Variants in BCKDHB observed in about 807,000 individuals in gnomAD.
The protein encoded by BCKDHB is 2-oxoisovalerate dehydrogenase subunit beta, mitochondrial.
In BCKDHB, 41 loss-of-function variants were observed where a neutral mutation model predicts 48.5. The ratio of observed to expected loss-of-function variants is 0.85; its 90% CI spans 0.66 to 1.10. BCKDHB has a LOEUF of 1.10. Ranked by LOEUF, BCKDHB falls within the 50% of genes least tolerant of loss-of-function variation. The pLI is 0.00. For synonymous variants in BCKDHB, 201 were observed against 174.8 expected (o/e 1.15, Z -1.18); for missense variants, 496 against 494.2 (o/e 1.00, Z -0.03).
At chr6:80,215,282 G>C (rs1177011478) in intron 8 of BCKDHB, among the ~76,000 whole-genome samples, 1 of 152,222 alleles carries the variant, frequency 6.6e-6, no homozygotes, top group Non-Finnish European at 1.5e-5. Context: ...CAATTTGAAA[G>C]TTGGTCCCTC....
At chr6:80,259,355 G>A (rs1292747226) in intron 8 of BCKDHB, among the ~76,000 whole-genome samples, 1 of 152,204 alleles carries the variant, frequency 6.6e-6, no homozygotes, top group African/African-American at 2.4e-5. Context: ...CAGTCCCAGG[G>A]TAAAGTGATA....
chr6:80,204,710 G>T (rs1185487632), intron 8 of BCKDHB, among the ~76,000 whole-genome samples: 1 of 152,026 alleles, frequency 6.6e-6, no homozygotes, highest in Non-Finnish European at 1.5e-5. Flanking sequence ...AAAAGCATTT[G>T]TAGCAGCTTA....
chr6:80,405,571 C>A, the BCKDHB span, among the ~76,000 whole-genome samples: 3 of 152,008 alleles, frequency 2.0e-5, no homozygotes, highest in Non-Finnish European at 4.4e-5. Context: ...CCATTTTGTT[C>A]TTTTCTGGCT....
chr6:80,449,160 AAT>A, the BCKDHB span, among the ~76,000 whole-genome samples: 2 of 152,168 alleles, frequency 1.3e-5, no homozygotes, highest in Non-Finnish European at 2.9e-5. Context: ...AGATTCTTTT[AAT>A]CTAGAACAGA....
chr6:80,247,577 C>T (rs1057060297), intron 8 of BCKDHB, among the ~76,000 whole-genome samples: 3 of 152,164 alleles, frequency 2.0e-5, no homozygotes, highest in African/African-American at 4.8e-5. Context: ...GATGTCTTTA[C>T]GATTCATTTA....
intron 9 of BCKDHB, among the ~76,000 whole-genome samples, chr6:80,318,438 G>T (rs1299973248): frequency 6.6e-6 from 1 of 152,120 alleles, no homozygotes; most frequent in South Asian, 2.1e-4. Flanking sequence ...TGTAATCCTA[G>T]CACTTTGGGA....
the BCKDHB span, among the ~76,000 whole-genome samples, chr6:80,393,407 G>A: frequency 6.6e-6 from 1 of 152,110 alleles, no homozygotes; most frequent in South Asian, 2.1e-4. Context: ...AGAGGCCTGG[G>A]AATGATTAGC....
the BCKDHB span, among the ~76,000 whole-genome samples, chr6:80,423,837 G>A: frequency 2.6e-5 from 4 of 152,146 alleles, no homozygotes; most frequent in South Asian, 8.3e-4. Flanking sequence ...CTCAGAAGAT[G>A]TGCTGCATTC....
chr6:80,289,961 G>A (rs1477985503), intron 9 of BCKDHB, among the ~76,000 whole-genome samples: 2 of 152,334 alleles, frequency 1.3e-5, no homozygotes, highest in South Asian at 2.1e-4. Flanking sequence ...TATTCTGCAA[G>A]GCTTCCTGCC....
chr6:80,122,490 A>C (rs1265815043), intron 1 of BCKDHB, among the ~76,000 whole-genome samples: 1 of 152,174 alleles, frequency 6.6e-6, no homozygotes, highest in Non-Finnish European at 1.5e-5. Flanking sequence ...CATCTGGCTG[A>C]GAAATAAAGA....
intron 8 of BCKDHB, among the ~76,000 whole-genome samples, chr6:80,214,825 A>G (rs1175204445): frequency 6.6e-6 from 1 of 152,236 alleles, no homozygotes; most frequent in Non-Finnish European, 1.5e-5. Context: ...ACAACAAATT[A>G]GAATTATTTT....
At chr6:80,311,002 T>G (rs751831519) in intron 9 of BCKDHB, among the ~76,000 whole-genome samples, 5 of 152,202 alleles carry the variant, frequency 3.3e-5, no homozygotes, top group African/African-American at 9.7e-5. Context: ...ATATTAGACT[T>G]TTTTCAGATG....
chr6:80,412,359 C>A, the BCKDHB span, among the ~76,000 whole-genome samples: 1 of 151,958 alleles, frequency 6.6e-6, no homozygotes, highest in Non-Finnish European at 1.5e-5. Flanking sequence ...GTTGGCCAGT[C>A]TGGTCTTGAA....
chr6:80,325,814 C>T (rs1262486999), intron 9 of BCKDHB, among the ~76,000 whole-genome samples: 1 of 152,134 alleles, frequency 6.6e-6, no homozygotes, highest in Non-Finnish European at 1.5e-5. Flanking sequence ...ATGAGAGAAA[C>T]ACCAGACAAA....
chr6:80,263,215 CAAAT>C (rs973093848), intron 8 of BCKDHB, among the ~76,000 whole-genome samples: 4 of 152,140 alleles, frequency 2.6e-5, no homozygotes, highest in African/African-American at 7.2e-5. Flanking sequence ...TCAAAACAAA[CAAAT>C]GAATAAAACA....
At chr6:80,144,420 T>G (rs1484501078) in intron 3 of BCKDHB, among the ~76,000 whole-genome samples, 3 of 152,192 alleles carry the variant, frequency 2.0e-5, no homozygotes, top group Non-Finnish European at 4.4e-5. Context: ...TTACAATGCA[T>G]AACTGTTTAT....
At chr6:80,441,558 A>C in the BCKDHB span, among the ~76,000 whole-genome samples, 1 of 152,200 alleles carries the variant, frequency 6.6e-6, no homozygotes, top group Non-Finnish European at 1.5e-5. Context: ...AATTAAAATA[A>C]CATATAATAA....
At chr6:80,139,419 G>A (rs1266834893) in intron 3 of BCKDHB, among the ~76,000 whole-genome samples, 1 of 152,020 alleles carries the variant, frequency 6.6e-6, no homozygotes, top group African/African-American at 2.4e-5. Context: ...TTTTCTTCTA[G>A]GGTTTTTATG....
At chr6:80,296,613 C>T (rs1197329726) in intron 9 of BCKDHB, among the ~76,000 whole-genome samples, 1 of 151,812 alleles carries the variant, frequency 6.6e-6, no homozygotes, top group Admixed American at 6.6e-5. Context: ...ATTAATTTGA[C>T]CATAAGGTAA....
Sources: allele counts gnomAD v4.1 joint callset (sites outside exome capture counted in the v4.1 genomes callset), GRCh38; gene constraint gnomAD v4.1.1; transcripts MANE v1.5; gene names NCBI Gene and HGNC (gene_info 2026-07-23, HGNC 2026-07-21).